SMC1A: variants seen among roughly 807,000 people sequenced by gnomAD.
SMC1A encodes structural maintenance of chromosomes 1A, also known as structural maintenance of chromosomes protein 1A.
Under a neutral mutation model 94.5 loss-of-function variants are expected in SMC1A, and 4 were observed. The ratio of observed to expected loss-of-function variants is 0.04; its 90% confidence interval spans 0.02 to 0.10. The LOEUF (loss-of-function observed/expected upper bound fraction) is 0.10, where lower values mean the gene tolerates loss of function less well. SMC1A is among the 10% of genes least tolerant of loss of function. The probability of loss-of-function intolerance (pLI) is 1.00; values close to 1 mark genes in which losing one functional copy is unlikely to be tolerated. For missense variants in SMC1A, 304 were observed against 989.0 expected (o/e 0.31, Z 9.29); for synonymous variants, 345 against 347.7 (o/e 0.99, Z 0.09).
rs782131974 is a variant in SMC1A at position 53,417,988 on chromosome X, G to A, written c.110-2819C>T. ...AAACTAAGCAGCTAGGGTCAAGGGAGTCTTCTTTTTACTACTGTATATCCT... is the reference window on the plus strand; with the variant it reads ...AAACTAAGCAGCTAGGGTCAAGGGAATCTTCTTTTTACTACTGTATATCCT... On this transcript the variant is annotated intron_variant, in intron 1 of 24. Coordinates refer to ENST00000322213, the MANE Select transcript of SMC1A (RefSeq NM_006306.4). 5.3e-5 allele frequency among the ~76,000 whole-genome samples: 6 copies of A among 112,152 alleles called. No homozygotes were observed. The South Asian group carries it at 1.8e-3, about 34-fold the overall frequency.
intron 1 of SMC1A, among the ~76,000 whole-genome samples, chrX:53,419,591 C>G (rs2075746424): frequency 9.3e-6 from 1 of 107,485 alleles, no homozygotes; most frequent in Non-Finnish European, 1.9e-5. Context: ...TTTGGGAGGC[C>G]CAGGTGGGCA....
chrX:53,384,998 T>C (rs2075599178), intron 19 of SMC1A, among the ~76,000 whole-genome samples: 1 of 109,205 alleles, frequency 9.2e-6, no homozygotes, highest in African/African-American at 3.3e-5. Flanking sequence ...AAAAAATATA[T>C]ATATATATAT....
chrX:53,413,540 A>C, intron 3 of SMC1A, 105 bp from the exon 4 acceptor site: 1 of 717,569 alleles, frequency 1.4e-6, no homozygotes, highest in Non-Finnish European at 2.1e-6. Context: ...TTTCTCTCCC[A>C]TGCCCCTGCT....
chrX:53,387,774 A>G (rs782512963), intron 19 of SMC1A, among the ~76,000 whole-genome samples: 1 of 111,682 alleles, frequency 9.0e-6, no homozygotes, highest in African/African-American at 3.3e-5. Flanking sequence ...TGAATGAGTC[A>G]CCATTGGCCA....
intron 3 of SMC1A, among the ~76,000 whole-genome samples, chrX:53,414,515 A>T (rs1279530049): frequency 8.9e-6 from 1 of 111,958 alleles, no homozygotes; most frequent in South Asian, 3.7e-4. Flanking sequence ...AAGAACCACC[A>T]TTGTAAGGCA....
At chrX:53,420,280 T>C (rs1486700508) in intron 1 of SMC1A, among the ~76,000 whole-genome samples, 1 of 111,284 alleles carries the variant, frequency 9.0e-6, no homozygotes, top group Admixed American at 9.5e-5. Flanking sequence ...TCCCAGCACT[T>C]TGGGAGGCTG....
Position 53,374,640 on chromosome X carries a change from CAT to C in SMC1A, c.*5461_*5462del, listed in dbSNP as rs782177735. 1 of 112,088 alleles carries C rather than the reference CAT, an allele frequency of 8.9e-6. No individual in the cohort carries two copies. The highest frequency in any genetic ancestry group is 1.9e-5 in the Non-Finnish European group (1 of 53,186). 9.2% of individuals were successfully genotyped at this position (112,088 alleles called of 1,213,427 possible). A position where few individuals can be genotyped will look rare whatever the true frequency, so the allele number is the denominator to read the frequency against. On this transcript the variant is annotated 3_prime_UTR_variant, in exon 25 of 25. Transcript: ENST00000322213. Reference sequence around the variant, plus strand: ...AAGCCTTCTGCTGCTTTGTGGATCTCATAGTCAGTTTTGTCTCACGGTTTCTG... The same window carrying C: ...AAGCCTTCTGCTGCTTTGTGGATCTCAGTCAGTTTTGTCTCACGGTTTCTG...
Position 53,405,064 on chromosome X carries a change from G to A in SMC1A, c.2144C>T (p.Ser715Phe). ...AHGLQMRLKY[S>F]QSDLEQTKTR... ...CTTGGTCTGTTCTAGGTCACTCTGG[G>A]AGTACTTGAGCCGCATCTGCAGTCC... Residue 715 changes from serine to phenylalanine, a missense_variant, in exon 13 of 25, where the codon TCC (serine) becomes TTC (phenylalanine). Physicochemically the swap from Ser to Phe is radical, Grantham distance 155 (BLOSUM62 -2). Transcript: ENST00000322213. 8.3e-7 allele frequency: 1 copy of A among 1,204,797 alleles called. No homozygotes were observed. The highest frequency in any genetic ancestry group is 2.2e-5 in the Admixed American group (1 of 45,134).
chrX:53,408,183 T>C (rs1372290151), intron 9 of SMC1A, among the ~76,000 whole-genome samples: 1 of 110,371 alleles, frequency 9.1e-6, no homozygotes, highest in Non-Finnish European at 1.9e-5. Context: ...ACAAAAAAAT[T>C]AGTTGGGCAT....
At chrX:53,383,368 G>A (rs1243505455) in intron 19 of SMC1A, 115 bp from the exon 20 acceptor site, 6 of 696,854 alleles carry the variant, frequency 8.6e-6, no homozygotes, top group Non-Finnish European at 1.1e-5. Context: ...CGGAGGGCAG[G>A]TTCTTCTTCT....
intron 16 of SMC1A, among the ~76,000 whole-genome samples, chrX:53,399,212 T>C (rs888695067): frequency 3.0e-4 from 33 of 111,460 alleles, no homozygotes; most frequent in African/African-American, 1.0e-3. Context: ...CACTCCAGCC[T>C]GGGCAACAGA....
chrX:53,382,609 T>C lies in SMC1A; in HGVS notation c.3182A>G (p.Gln1061Arg). ...GCGGTCAAAGCGCTCCTTCTTGATC[T>C]GTTCGAATGCCTGCTTGGCCTTCTT... The part of the protein sequence containing the change: ...RAKKAKQAFE[Q>R]IKKERFDRFN... The change falls in exon 21 of 25, where the codon CAG (glutamine) becomes CGG (arginine). Residue 1061 changes from glutamine to arginine, a missense_variant. By Grantham distance (43) the Gln-to-Arg change is conservative (BLOSUM62 1). Coordinates refer to ENST00000322213, the MANE Select transcript of SMC1A (RefSeq NM_006306.4). 1 of 1,211,908 alleles carries C rather than the reference T, an allele frequency of 8.3e-7. No individual in the cohort carries two copies. Among genetic ancestry groups the C allele is most frequent in the Non-Finnish European group, 1.1e-6 (1 of 895,525 alleles).
Position 53,377,896 on chromosome X carries a change from A to T in SMC1A, c.*2207T>A. On this transcript the variant is annotated 3_prime_UTR_variant, in exon 25 of 25. Transcript: ENST00000322213. ...TGACCCCCGAATTGTGCTCGTCCAT[A>T]AAGGCCAGCATTTGCCAAATTATGG... 8.9e-6 allele frequency: 1 copy of T among 112,430 alleles called. No individual in the cohort carries two copies. The highest frequency in any genetic ancestry group is 2.8e-4 in the East Asian group (1 of 3,599). 9.3% of individuals were successfully genotyped at this position (112,430 alleles called of 1,213,427 possible). A position where few individuals can be genotyped will look rare whatever the true frequency, so the allele number is the denominator to read the frequency against.
chrX:53,380,007 G>T lies in SMC1A; in HGVS notation c.*96C>A. 1.6e-6 allele frequency: 1 copy of T among 613,804 alleles called. No homozygotes were observed. The highest frequency in any genetic ancestry group is 2.8e-6 in the Non-Finnish European group (1 of 361,125). The allele number at this position is 613,804 out of a possible 1,213,427, so 50.6% of individuals were successfully genotyped here. A position where few individuals can be genotyped will look rare whatever the true frequency, so the allele number is the denominator to read the frequency against. The stretch of plus-strand genomic sequence containing the variant: ...TAAATCCCATGACTACACCAAAAAG[G>T]GCCAGGAGGTAGGGGGAAGGTTGGG... On this transcript the variant is annotated 3_prime_UTR_variant, in exon 25 of 25. Transcript: ENST00000322213.
chrX:53,411,313 C>G (rs1308789930), intron 7 of SMC1A, among the ~76,000 whole-genome samples: 1 of 111,304 alleles, frequency 9.0e-6, no homozygotes, highest in African/African-American at 3.3e-5. Context: ...TTATCATGGC[C>G]AGGCGCAGTG....
chrX:53,394,740 A>AACCCCCCCC, intron 19 of SMC1A, 38 bp downstream of exon 19: 4 of 351,502 alleles, frequency 1.1e-5, no homozygotes, highest in African/African-American at 3.3e-5. Flanking sequence ...CTCCCACCCA[A>AACCCCCCCC]CCCCCACCCC....
chrX:53,414,220 T>C (rs2075724027), intron 3 of SMC1A, among the ~76,000 whole-genome samples: 1 of 111,642 alleles, frequency 9.0e-6, no homozygotes, highest in South Asian at 3.7e-4. Flanking sequence ...ATGGTTTAAG[T>C]AGGCTGGAGT....
At chrX:53,415,842 T>TG (rs1250454428) in intron 1 of SMC1A, among the ~76,000 whole-genome samples, 1 of 44,267 alleles carries the variant, frequency 2.3e-5, no homozygotes, top group Non-Finnish European at 4.3e-5. Context: ...AAAAAAATAG[T>TG]GAAAAAAAAA....
chrX:53,406,200 A>T (rs1556889685), intron 9 of SMC1A, among the ~76,000 whole-genome samples: 1 of 111,240 alleles, frequency 9.0e-6, no homozygotes, highest in Non-Finnish European at 1.9e-5. Context: ...CAGCCTGGGC[A>T]ACATAATGAG....
Sources: gnomAD v4.1 joint callset for allele counts (sites outside exome capture counted in the v4.1 genomes callset) on GRCh38, gnomAD v4.1.1 for gene constraint, MANE v1.5 for transcripts, NCBI Gene and HGNC (gene_info 2026-07-23, HGNC 2026-07-21) for gene names.